The following FBXL13 variants were observed in gnomAD, a reference collection of about 807,000 sequenced individuals.
The protein encoded by FBXL13 is F-box and leucine rich repeat protein 13.
FBXL13 carries 67 observed loss-of-function variants against 83.6 expected under a neutral mutation model. That is an observed-to-expected ratio of 0.80 (90% CI 0.66 to 0.98). The LOEUF is 0.98. FBXL13 is among the 50% of genes least tolerant of loss of function. FBXL13 has a pLI of 0.00. For synonymous variants in FBXL13, 272 were observed against 299.5 expected (o/e 0.91, Z 0.95); for missense variants, 822 against 866.5 (o/e 0.95, Z 0.64).
At chr7:103,042,280 C>T (rs572065523) in intron 2 of FBXL13, among the ~76,000 whole-genome samples, 2 of 152,208 alleles carry the variant, frequency 1.3e-5, no homozygotes, top group East Asian at 1.9e-4. Flanking sequence ...TGTGAAGGAC[C>T]TCTTCAAGGA....
chr7:102,909,159 C>A (rs1563074932), intron 11 of FBXL13, among the ~76,000 whole-genome samples: 1 of 152,186 alleles, frequency 6.6e-6, no homozygotes, highest in South Asian at 2.1e-4. Flanking sequence ...GGCAGAGGAA[C>A]CTTACCCTGT....
intron 17 of FBXL13, among the ~76,000 whole-genome samples, chr7:102,843,603 C>T (rs1045258391): frequency 3.9e-5 from 6 of 151,912 alleles, no homozygotes; most frequent in Non-Finnish European, 5.9e-5. Flanking sequence ...GGCGAAACCC[C>T]GTCTCTACGA....
At chr7:102,948,822 G>A (rs1004786924) in intron 8 of FBXL13, among the ~76,000 whole-genome samples, 3 of 151,780 alleles carry the variant, frequency 2.0e-5, no homozygotes, top group Non-Finnish European at 1.5e-5. Flanking sequence ...AGCAATTCTC[G>A]TGCCTCAGCC....
intron 6 of FBXL13, among the ~76,000 whole-genome samples, chr7:103,021,777 C>A (rs1036618455): frequency 3.3e-5 from 5 of 152,104 alleles, no homozygotes; most frequent in Admixed American, 6.6e-5. Flanking sequence ...TCAAAACCAC[C>A]ATGAGATACC....
At chr7:102,865,091 A>T (rs1252837133) in intron 16 of FBXL13, among the ~76,000 whole-genome samples, 1 of 152,246 alleles carries the variant, frequency 6.6e-6, no homozygotes, top group African/African-American at 2.4e-5. Context: ...AATGTGTATG[A>T]TATATAGTTG....
At chr7:102,892,807 G>T (rs1811701971) in intron 11 of FBXL13, among the ~76,000 whole-genome samples, 1 of 152,062 alleles carries the variant, frequency 6.6e-6, no homozygotes, top group Non-Finnish European at 1.5e-5. Context: ...TGTTCTTGAG[G>T]ATATTAATGT....
chr7:102,875,386 A>G (rs1248878490), intron 16 of FBXL13, among the ~76,000 whole-genome samples: 1 of 152,008 alleles, frequency 6.6e-6, no homozygotes, highest in Non-Finnish European at 1.5e-5. Context: ...AGGAGAGGAC[A>G]GGGGAAAAGA....
intron 11 of FBXL13, among the ~76,000 whole-genome samples, chr7:102,902,784 A>G (rs1813130873): frequency 6.6e-6 from 1 of 151,964 alleles, no homozygotes; most frequent in Admixed American, 6.6e-5. Flanking sequence ...CTATTGGTCT[A>G]TGTGTCTGCT....
At chr7:102,826,951 T>C (rs921209909) in intron 18 of FBXL13, 1 of 297,826 alleles carries the variant, frequency 3.4e-6, no homozygotes, top group African/African-American at 2.1e-5. Flanking sequence ...TCTATCGTAT[T>C]ATTTTCATTT....
intron 6 of FBXL13, among the ~76,000 whole-genome samples, chr7:102,980,517 C>G (rs1296827699): frequency 2.6e-5 from 4 of 152,214 alleles, no homozygotes; most frequent in Admixed American, 2.6e-4. Flanking sequence ...GTGGCTTACG[C>G]CTGTAATCCC....
intron 16 of FBXL13, among the ~76,000 whole-genome samples, chr7:102,874,032 A>G (rs546914429): frequency 2.6e-5 from 4 of 152,356 alleles, no homozygotes; most frequent in Admixed American, 1.3e-4. Context: ...AGCACAATGT[A>G]GTCAGAGTAA....
chr7:102,850,230 G>A (rs1317998811), intron 17 of FBXL13, among the ~76,000 whole-genome samples: 1 of 151,962 alleles, frequency 6.6e-6, no homozygotes, highest in Non-Finnish European at 1.5e-5. Context: ...TCCAAAGAGT[G>A]AAAAGAAAAA....
intron 6 of FBXL13, among the ~76,000 whole-genome samples, chr7:102,993,066 C>T (rs1270678822): frequency 6.6e-6 from 1 of 152,196 alleles, no homozygotes; most frequent in African/African-American, 2.4e-5. Context: ...AGCCAATATC[C>T]ACATACTTCC....
At chr7:102,815,559 C>T (rs1238780391) in intron 19 of FBXL13, among the ~76,000 whole-genome samples, 1 of 152,142 alleles carries the variant, frequency 6.6e-6, no homozygotes, top group Non-Finnish European at 1.5e-5. Context: ...CTGCAGTTCA[C>T]AGTTGTTCAT....
At chr7:103,064,518 G>A (rs1798213839) in intron 1 of FBXL13, among the ~76,000 whole-genome samples, 2 of 152,230 alleles carry the variant, frequency 1.3e-5, no homozygotes, top group South Asian at 2.1e-4. Context: ...CACTTACTGA[G>A]TGATGCTGTT....
chr7:103,033,200 T>C (rs185974907), intron 2 of FBXL13, among the ~76,000 whole-genome samples: 1 of 152,298 alleles, frequency 6.6e-6, no homozygotes, highest in East Asian at 1.9e-4. Context: ...TCTTTTCCTA[T>C]GCTCTGAAAG....
chr7:102,939,622 A>G, intron 8 of FBXL13: 3 of 1,557,894 alleles, frequency 1.9e-6, no homozygotes, highest in Non-Finnish European at 2.6e-6. Context: ...ATGGGTGGCA[A>G]GTGTTCTGTG....
intron 17 of FBXL13, among the ~76,000 whole-genome samples, chr7:102,846,418 GA>G (rs1803963041): frequency 6.6e-6 from 1 of 152,086 alleles, no homozygotes; most frequent in Non-Finnish European, 1.5e-5. Context: ...AGGGGTTCAA[GA>G]CCAGCCTCAG....
chr7:102,890,676 G>C (rs1811431134), intron 11 of FBXL13, among the ~76,000 whole-genome samples: 2 of 152,180 alleles, frequency 1.3e-5, no homozygotes, highest in South Asian at 4.1e-4. Flanking sequence ...CCGCTCTAAG[G>C]TAGTAAAAAG....
Sources: allele counts gnomAD v4.1 joint callset (sites outside exome capture counted in the v4.1 genomes callset), GRCh38; gene constraint gnomAD v4.1.1; transcripts MANE v1.5; gene names NCBI Gene and HGNC (gene_info 2026-07-23, HGNC 2026-07-21).